The following FOXN3 variants were observed in gnomAD, a reference collection of about 807,000 sequenced individuals.
FOXN3 encodes forkhead box protein N3.
A neutral mutation model predicts 38.4 loss-of-function variants in FOXN3; 7 were observed. The ratio of observed to expected loss-of-function variants is 0.18; its 90% CI spans 0.10 to 0.34. The LOEUF is 0.34. Among genes scored for constraint, FOXN3 ranks in the 10% least tolerant of loss-of-function variants. The pLI is 1.00. For missense variants in FOXN3, 456 were observed against 613.4 expected, an observed-to-expected ratio of 0.74 and a Z score of 2.71; for synonymous variants, 230 against 242.2, an observed-to-expected ratio of 0.95 and a Z score of 0.47.
At position 89,548,270 on chromosome 14, in the gene FOXN3, C is replaced by T. The variant is rs868031973; in HGVS notation, c.-15+70758G>A. ...TACATATTTCCAAGATTTTCTCAGACGGTATTTTATATCATTTCCTAATTA... is the reference window on the plus strand; with the variant it reads ...TACATATTTCCAAGATTTTCTCAGATGGTATTTTATATCATTTCCTAATTA... On this transcript the variant is annotated intron_variant, in intron 1 of 6. Coordinates refer to the FOXN3 transcript ENST00000345097. The surrounding 1 kb of genome is among the most constrained non-coding windows in gnomAD (Gnocchi z 4.8). 5.9e-5 allele frequency among the ~76,000 whole-genome samples: 9 copies of T among 152,046 alleles called. No homozygotes were observed. Among genetic ancestry groups the T allele is most frequent in the East Asian group, 1.9e-4 (1 of 5,188 alleles).
Position 89,157,698 on chromosome 14 carries a change from T to C in FOXN3, c.*4716A>G, listed in dbSNP as rs1203848910. Reference sequence around the variant, plus strand: ...TTGGCAGGTAACTAAAAGAGGGTTATCACTTAGGTTATATAGCAAAAGTGT... The same window carrying C: ...TTGGCAGGTAACTAAAAGAGGGTTACCACTTAGGTTATATAGCAAAAGTGT... On this transcript the variant is annotated 3_prime_UTR_variant, in exon 6 of 6. Transcript: ENST00000557258. 6.5e-6 allele frequency: 1 copy of C among 152,690 alleles called. No individual in the cohort carries two copies. The highest frequency in any genetic ancestry group is 1.9e-4 in the East Asian group (1 of 5,206). 9.5% of individuals were successfully genotyped at this position (152,690 alleles called of 1,614,324 possible).
intron 2 of FOXN3, among the ~76,000 whole-genome samples, chr14:89,411,331 C>T (rs1001604746): frequency 6.6e-6 from 1 of 152,194 alleles, no homozygotes; most frequent in African/African-American, 2.4e-5. Flanking sequence ...GGGACCCTCA[C>T]TCTGAGCCGG....
At chr14:89,540,240 G>C (rs1347303865) in intron 1 of FOXN3, among the ~76,000 whole-genome samples, 2 of 152,194 alleles carry the variant, frequency 1.3e-5, no homozygotes, top group East Asian at 3.9e-4. Flanking sequence ...CCAGGAACAA[G>C]TGACTGTGGG....
At chr14:89,569,783 AG>A (rs2139892945) in intron 1 of FOXN3, among the ~76,000 whole-genome samples, 1 of 152,298 alleles carries the variant, frequency 6.6e-6, no homozygotes, top group African/African-American at 2.4e-5. Context: ...TGCCTGCCAA[AG>A]GGCACCATCA....
At chr14:89,326,587 A>G (rs1353405438) in intron 3 of FOXN3, among the ~76,000 whole-genome samples, 1 of 152,224 alleles carries the variant, frequency 6.6e-6, no homozygotes, top group African/African-American at 2.4e-5. Context: ...GTTCCCATAA[A>G]GCAGGCTCTG....
intron 4 of FOXN3, among the ~76,000 whole-genome samples, chr14:89,253,249 C>CCGGCAT (rs1885515954): frequency 6.6e-6 from 1 of 152,204 alleles, no homozygotes; most frequent in South Asian, 2.1e-4. Flanking sequence ...GGAGTGCTCA[C>CCGGCAT]CGGCATCGCG....
intron 1 of FOXN3, among the ~76,000 whole-genome samples, chr14:89,507,137 A>G (rs1227612390): frequency 1.3e-5 from 2 of 151,904 alleles, no homozygotes; most frequent in Admixed American, 6.6e-5. Context: ...AAAAAAAGAA[A>G]AAAAAAAAAA....
At chr14:89,324,443 C>CGTGCGT (rs1306757895) in intron 3 of FOXN3, among the ~76,000 whole-genome samples, 65 of 143,490 alleles carry the variant, frequency 4.5e-4, no homozygotes, top group African/African-American at 1.6e-3. Context: ...TAAGTGTGTG[C>CGTGCGT]GTGTGTGTGT....
chr14:89,300,991 C>T (rs984449500), intron 3 of FOXN3, among the ~76,000 whole-genome samples: 22 of 151,576 alleles, frequency 1.5e-4, no homozygotes, highest in African/African-American at 5.1e-4. Flanking sequence ...TTAGTAGAGA[C>T]GGGGTTTCAC....
chr14:89,584,411 T>TA (rs1895805675), intron 1 of FOXN3, among the ~76,000 whole-genome samples: 1 of 151,940 alleles, frequency 6.6e-6, no homozygotes, highest in Non-Finnish European at 1.5e-5. Context: ...GATAAATAAA[T>TA]AATAAATAAA....
intron 1 of FOXN3, among the ~76,000 whole-genome samples, chr14:89,517,411 C>G (rs1354971009): frequency 6.8e-6 from 1 of 148,090 alleles, no homozygotes; most frequent in African/African-American, 2.5e-5. Context: ...ACAGGCTGTA[C>G]AGGAAGCACG....
rs1892987700 is a variant in FOXN3 at position 89,467,179 on chromosome 14, G to A, written c.-14-54689C>T. Among the ~76,000 whole-genome samples the A allele has an allele frequency of 3.9e-5, 6 of 152,260 alleles. No individual in the cohort carries two copies. The South Asian group carries it at 1.0e-3, about 26-fold the overall frequency. ...CACCCAGACTCAGACACAGCTCTCT[G>A]CTAGGGAAGAAAGTGAGGGCTGGCC... On this transcript the variant is annotated intron_variant, in intron 1 of 6. Transcript: ENST00000345097.
chr14:89,169,863 C>T lies in FOXN3; in HGVS notation c.852-6894G>A, dbSNP rs114163836. Among the ~76,000 whole-genome samples the T allele has an allele frequency of 1.4e-3, 216 of 152,052 alleles. 1 individual carries two copies. The highest frequency in any genetic ancestry group is 5.0e-3 in the African/African-American group (208 of 41,480). Reference sequence around the variant, plus strand: ...TCTGAAAAAATAGGGCAAACACAAACGTAAAACGAGATGATAGAACCAAAC... The same window carrying T: ...TCTGAAAAAATAGGGCAAACACAAATGTAAAACGAGATGATAGAACCAAAC... On this transcript the variant is annotated intron_variant, in intron 5 of 5. Coordinates refer to ENST00000557258, the MANE Select transcript of FOXN3 (RefSeq NM_005197.4).
chr14:89,518,401 C>T (rs1189775736), intron 1 of FOXN3, among the ~76,000 whole-genome samples: 1 of 152,162 alleles, frequency 6.6e-6, no homozygotes, highest in African/African-American at 2.4e-5. Flanking sequence ...GCTCTCCTGG[C>T]AAGACTGATT....
At chr14:89,577,762 T>A (rs1411123552) in intron 1 of FOXN3, among the ~76,000 whole-genome samples, 1 of 152,216 alleles carries the variant, frequency 6.6e-6, no homozygotes, top group African/African-American at 2.4e-5. Context: ...CAGTTCATCA[T>A]GAACAAATAT....
At chr14:89,487,732 G>A (rs538610068) in intron 1 of FOXN3, among the ~76,000 whole-genome samples, 5 of 152,092 alleles carry the variant, frequency 3.3e-5, no homozygotes, top group Non-Finnish European at 7.4e-5. Context: ...TGTCCACTAT[G>A]GACAATAAGA....
chr14:89,613,136 A>C (rs1007713276), intron 1 of FOXN3, among the ~76,000 whole-genome samples: 1 of 151,320 alleles, frequency 6.6e-6, no homozygotes, highest in East Asian at 1.9e-4. Flanking sequence ...AAAAAAAAAA[A>C]AAAAACTCTT....
intron 2 of FOXN3, among the ~76,000 whole-genome samples, chr14:89,375,604 A>G (rs1008168976): frequency 6.6e-6 from 1 of 152,220 alleles, no homozygotes; most frequent in African/African-American, 2.4e-5. Context: ...CACAACATTA[A>G]TAGTATTAAG....
At chr14:89,463,684 G>A (rs1262905463) in intron 1 of FOXN3, among the ~76,000 whole-genome samples, 1 of 152,116 alleles carries the variant, frequency 6.6e-6, no homozygotes, top group East Asian at 1.9e-4. Context: ...CCTGGGACAT[G>A]ACATCATTGC....
Sources: allele counts gnomAD v4.1 joint callset (sites outside exome capture counted in the v4.1 genomes callset), GRCh38; gene constraint gnomAD v4.1.1; non-coding constraint Gnocchi (gnomAD v3.1); transcripts MANE v1.5; gene names NCBI Gene and HGNC (gene_info 2026-07-23, HGNC 2026-07-21).